Variants in NAV3 observed in about 807,000 individuals in gnomAD.
The protein encoded by NAV3 is neuron navigator 3.
Under a neutral mutation model 244.7 loss-of-function variants are expected in NAV3, and 87 were observed. That is an observed-to-expected ratio of 0.36 (90% CI 0.30 to 0.42). NAV3 has a LOEUF of 0.42. Among genes scored for constraint, NAV3 ranks in the 20% least tolerant of loss-of-function variants. The pLI is 1.00. For missense variants in NAV3, 2,663 were observed against 2,893.3 expected, an observed-to-expected ratio of 0.92 and a Z score of 1.83; for synonymous variants, 1,126 against 1,042.2, an observed-to-expected ratio of 1.08 and a Z score of -1.55.
At chr12:77,674,471 C>T (rs868111051) in intron 2 of NAV3, among the ~76,000 whole-genome samples, 21 of 152,082 alleles carry the variant, frequency 1.4e-4, no homozygotes, top group African/African-American at 5.1e-4. Context: ...TAGCCTCAAC[C>T]TCCCAGGCTC....
chr12:78,000,526 C>T (rs1347259763), intron 7 of NAV3, among the ~76,000 whole-genome samples: 1 of 108,726 alleles, frequency 9.2e-6, no homozygotes, highest in African/African-American at 3.7e-5. Context: ...TTTTTTGAGA[C>T]GGAGTCTCAC....
intron 1 of NAV3, among the ~76,000 whole-genome samples, chr12:77,885,718 T>C (rs963073874): frequency 1.2e-4 from 18 of 152,140 alleles, no homozygotes; most frequent in Non-Finnish European, 2.2e-4. Context: ...CTTCAATACA[T>C]TAGAGTGTCC....
chr12:78,210,767 T>C lies in NAV3; in HGVS notation c.*250T>C, dbSNP rs1350314899. The C allele has an allele frequency of 4.6e-6, 2 of 437,078 alleles. No homozygotes were observed. Among genetic ancestry groups the C allele is most frequent in the Non-Finnish European group, 8.2e-6 (2 of 244,502 alleles). The allele number at this position is 437,078 out of a possible 1,614,324, so 27.1% of individuals were successfully genotyped here. On this transcript the variant is annotated 3_prime_UTR_variant, in exon 40 of 40. Coordinates refer to ENST00000397909, the MANE Select transcript of NAV3 (RefSeq NM_001024383.2). ...GTAATAGAAAGCTCCATTACTCAAC[T>C]GGAAAGGACCCTAATGACAGGGCAA... is the stretch of plus-strand genomic sequence containing the variant.
intron 5 of NAV3, among the ~76,000 whole-genome samples, chr12:77,987,090 A>G (rs894831000): frequency 2.6e-5 from 4 of 152,168 alleles, no homozygotes; most frequent in Non-Finnish European, 5.9e-5. Flanking sequence ...TGTAAAGTAG[A>G]TTGAAGTTTT....
At chr12:77,890,425 T>G (rs1883797990) in intron 1 of NAV3, among the ~76,000 whole-genome samples, 1 of 152,086 alleles carries the variant, frequency 6.6e-6, no homozygotes, top group African/African-American at 2.4e-5. Context: ...TCAGTTGAAT[T>G]TTTTGATGAA....
chr12:77,666,372 A>G (rs1482238465), intron 2 of NAV3, among the ~76,000 whole-genome samples: 1 of 152,148 alleles, frequency 6.6e-6, no homozygotes. Flanking sequence ...CATAGAATGA[A>G]TGAATGAATT....
chr12:78,150,798 C>T (rs571104626), intron 22 of NAV3, among the ~76,000 whole-genome samples: 38 of 152,014 alleles, frequency 2.5e-4, no homozygotes, highest in African/African-American at 7.5e-4. Context: ...ACCTCGTCTG[C>T]TCTAATTATG....
intron 2 of NAV3, among the ~76,000 whole-genome samples, chr12:77,813,030 C>A (rs778074587): frequency 6.6e-6 from 1 of 152,010 alleles, no homozygotes; most frequent in East Asian, 1.9e-4. Context: ...ACCATGTTGG[C>A]CAGGCTGGTT....
intron 23 of NAV3, among the ~76,000 whole-genome samples, chr12:78,165,805 T>C (rs1957756213): frequency 6.6e-6 from 1 of 151,834 alleles, no homozygotes; most frequent in Non-Finnish European, 1.5e-5. Context: ...ATCTCTATAA[T>C]ACTATTGGGA....
chr12:78,177,558 T>C lies in NAV3; in HGVS notation c.5298-62T>C, dbSNP rs1593918180. On this transcript the variant is annotated intron_variant, in intron 27 of 39. Coordinates refer to ENST00000397909, the MANE Select transcript of NAV3 (RefSeq NM_001024383.2). Reference sequence around the variant, plus strand: ...TCTCATTCTCCAGTTTTCTGAATCATGATTCTCACTTCTTTTCATGGGCAT... The same window carrying C: ...TCTCATTCTCCAGTTTTCTGAATCACGATTCTCACTTCTTTTCATGGGCAT... 68 of 1,467,236 alleles carry C rather than the reference T, an allele frequency of 4.6e-5. No homozygotes were observed. The East Asian group carries it at 1.4e-3, about 29-fold the overall frequency. The allele number at this position is 1,467,236 out of a possible 1,614,324, so 90.9% of individuals were successfully genotyped here.
intron 2 of NAV3, among the ~76,000 whole-genome samples, chr12:77,670,834 C>T (rs1019003619): frequency 1.3e-5 from 2 of 152,164 alleles, no homozygotes; most frequent in East Asian, 1.9e-4. Flanking sequence ...CAACATTATA[C>T]TGAATGGGAA....
chr12:77,629,298 G>T (rs1871781512), intron 2 of NAV3, among the ~76,000 whole-genome samples: 1 of 152,116 alleles, frequency 6.6e-6, no homozygotes, highest in African/African-American at 2.4e-5. Flanking sequence ...AATTTTATGT[G>T]CTAAATGAAG....
In NAV3 at chr12:77,771,678, C is replaced by T. The variant is rs1230236089; in HGVS notation, c.73-168641C>T. ...TATCACAAGGACAAAAAACCAAACA[C>T]TGCATGTTCTCACTCATAGGTGGGA... On this transcript the variant is annotated intron_variant, in intron 2 of 8. Coordinates refer to the NAV3 transcript ENST00000550042. Among the ~76,000 whole-genome samples the T allele has an allele frequency of 2.6e-5, 4 of 152,146 alleles. No individual in the cohort carries two copies. The East Asian group carries it at 7.7e-4, about 29-fold the overall frequency.
intron 2 of NAV3, among the ~76,000 whole-genome samples, chr12:77,761,654 C>T (rs11106595): frequency 0.041 from 6,177 of 152,096 alleles, 404 homozygotes; most frequent in African/African-American, 0.14. Flanking sequence ...GACATTTATG[C>T]GGCCAAGAAA....
chr12:77,782,176 G>A (rs1870696623), intron 2 of NAV3, among the ~76,000 whole-genome samples: 1 of 152,034 alleles, frequency 6.6e-6, no homozygotes, highest in Non-Finnish European at 1.5e-5. Context: ...TCATGTTCAA[G>A]AGCTCTGGGT....
chr12:77,959,105 A>G (rs1361649575), intron 3 of NAV3, among the ~76,000 whole-genome samples: 1 of 152,194 alleles, frequency 6.6e-6, no homozygotes, highest in Admixed American at 6.5e-5. Context: ...ATGGTATTAA[A>G]CTGAAATTAT....
chr12:77,712,068 C>G (rs982021681), intron 2 of NAV3, among the ~76,000 whole-genome samples: 1 of 152,152 alleles, frequency 6.6e-6, no homozygotes, highest in African/African-American at 2.4e-5. Flanking sequence ...CCACCTGCAA[C>G]TTGAGCATGT....
chr12:77,847,172 CATTGACAGAA>C (rs1449959553), intron 1 of NAV3, among the ~76,000 whole-genome samples: 1 of 152,126 alleles, frequency 6.6e-6, no homozygotes, highest in African/African-American at 2.4e-5. Flanking sequence ...AACAATAGGC[CATTGACAGAA>C]TGTGTGGGGA....
intron 2 of NAV3, among the ~76,000 whole-genome samples, chr12:77,639,801 G>A (rs1157973713): frequency 6.6e-6 from 1 of 152,136 alleles, no homozygotes; most frequent in East Asian, 1.9e-4. Context: ...CAAATATGAG[G>A]AATAAAGTTG....
Sources: gnomAD v4.1 joint callset for allele counts (sites outside exome capture counted in the v4.1 genomes callset) on GRCh38, gnomAD v4.1.1 for gene constraint, MANE v1.5 for transcripts, NCBI Gene and HGNC (gene_info 2026-07-23, HGNC 2026-07-21) for gene names.